Variants in CABIN1 observed in about 807,000 individuals in gnomAD.
CABIN1 encodes calcineurin binding protein 1, also known as calcineurin-binding protein cabin-1.
In CABIN1, 133 loss-of-function variants were observed where a neutral mutation model predicts 227.7. The ratio of observed to expected loss-of-function variants is 0.58; its 90% CI spans 0.51 to 0.67. The LOEUF is 0.67. Among genes scored for constraint, CABIN1 ranks in the 30% least tolerant of loss-of-function variants. The probability of loss-of-function intolerance (pLI) is 0.00; values close to 1 mark genes in which losing one functional copy is unlikely to be tolerated. For synonymous variants in CABIN1, 1,086 were observed against 1,155.1 expected (o/e 0.94, Z 1.21); for missense variants, 2,408 against 2,852.5 (o/e 0.84, Z 3.55).
intron 26 of CABIN1, among the ~76,000 whole-genome samples, chr22:24,108,676 C>T (rs1479328022): frequency 6.6e-6 from 1 of 152,218 alleles, no homozygotes; most frequent in Non-Finnish European, 1.5e-5. Flanking sequence ...AGGTCACTGT[C>T]CCCAAACCCT....
In CABIN1 at chr22:24,042,952, C is replaced by G. The variant is rs772530741; in HGVS notation, c.394C>G (p.His132Asp). 4 of 1,610,686 alleles carry G rather than the reference C, an allele frequency of 2.5e-6. No homozygotes were observed. In the South Asian group the frequency reaches 4.4e-5, roughly 18 times the overall value. ...TGTCAACCTCTGGTATAAGATTGGA[C>G]ATGTGGCCCTGAGGCTCATCCGGAT... is the stretch of plus-strand genomic sequence containing the variant. The part of the protein sequence containing the change: ...TDVNLWYKIG[H>D]VALRLIRIPL... Residue 132 changes from histidine to aspartate, a missense_variant, in exon 6 of 37, where the codon CAT becomes GAT. By Grantham distance (81) the His-to-Asp change is moderately conservative (BLOSUM62 -1). Coordinates refer to ENST00000263119, the MANE Select transcript of CABIN1 (RefSeq NM_012295.4).
At chr22:24,097,922 G>T in intron 25 of CABIN1, 92 bp from the exon 26 acceptor site, 1 of 1,527,722 alleles carries the variant, frequency 6.5e-7, no homozygotes, top group Non-Finnish European at 9.1e-7. Context: ...GGAGCAGTGG[G>T]CCCTGGGAAG....
intron 19 of CABIN1, among the ~76,000 whole-genome samples, chr22:24,081,206 G>A (rs908012532): frequency 6.6e-5 from 10 of 151,958 alleles, no homozygotes; most frequent in Non-Finnish European, 1.0e-4. Flanking sequence ...TGCAGACATC[G>A]TTCTTAACTC....
At chr22:24,061,888 C>G in intron 12 of CABIN1, 59 bp from the exon 13 acceptor site, 1 of 1,244,598 alleles carries the variant, frequency 8.0e-7, no homozygotes, top group East Asian at 2.3e-5. Context: ...CCCCCTACCC[C>G]CCACACTGTG....
At chr22:24,070,686 C>A (rs1278671796) in intron 16 of CABIN1, 114 bp from the exon 17 acceptor site, 2 of 1,506,340 alleles carry the variant, frequency 1.3e-6, no homozygotes, top group Middle Eastern at 1.7e-4. Flanking sequence ...GGGGCTCGTT[C>A]TTCCCTTTCT....
chr22:24,096,622 C>G (rs547881832), intron 25 of CABIN1, among the ~76,000 whole-genome samples: 2 of 152,298 alleles, frequency 1.3e-5, no homozygotes, highest in Admixed American at 1.3e-4. Context: ...TCTCCACAGC[C>G]CAGACTTCTT....
chr22:24,012,702 G>A (rs1367942268), intron 1 of CABIN1, among the ~76,000 whole-genome samples: 1 of 152,172 alleles, frequency 6.6e-6, no homozygotes, highest in Non-Finnish European at 1.5e-5. Flanking sequence ...AGGAAATGCA[G>A]CTGCTGGGCT....
At chr22:24,124,903 A>G (rs2043625717) in intron 28 of CABIN1, among the ~76,000 whole-genome samples, 1 of 152,176 alleles carries the variant, frequency 6.6e-6, no homozygotes, top group Non-Finnish European at 1.5e-5. Flanking sequence ...ATAATCTTGA[A>G]TGAAAACAAA....
chr22:24,022,329 A>T (rs1409246855), intron 1 of CABIN1, among the ~76,000 whole-genome samples: 1 of 152,060 alleles, frequency 6.6e-6, no homozygotes, highest in East Asian at 1.9e-4. Context: ...TAGTTTTGTC[A>T]TTTCAAGAAT....
intron 1 of CABIN1, among the ~76,000 whole-genome samples, chr22:24,014,966 T>G (rs1460040868): frequency 6.6e-6 from 1 of 152,158 alleles, no homozygotes; most frequent in African/African-American, 2.4e-5. Flanking sequence ...CTTTTTTCAC[T>G]TAATAGTATG....
In CABIN1 at chr22:24,084,425, T is replaced by G. The variant is rs968560446; in HGVS notation, c.2911-154T>G. On this transcript the variant is annotated intron_variant, in intron 20 of 36. Transcript: ENST00000263119. The stretch of plus-strand genomic sequence containing the variant: ...AGCTAATTTTTGTAGTGCAGATTTT[T>G]TTTTTTTAAGTATAATGGGGATTTG... 3.3e-5 allele frequency among the ~76,000 whole-genome samples: 5 copies of G among 152,114 alleles called. No individual in the cohort carries two copies. In the East Asian group the frequency reaches 9.6e-4, roughly 29 times the overall value.
intron 1 of CABIN1, among the ~76,000 whole-genome samples, chr22:24,029,799 T>C (rs544141754): frequency 2.4e-4 from 36 of 152,266 alleles, no homozygotes; most frequent in African/African-American, 7.5e-4. Context: ...TTTTAGGTTT[T>C]CCTTGATGAA....
chr22:24,051,805 A>G (rs1476601989), intron 8 of CABIN1, among the ~76,000 whole-genome samples: 2 of 152,084 alleles, frequency 1.3e-5, no homozygotes, highest in African/African-American at 4.8e-5. Flanking sequence ...TGTCATGATA[A>G]TGACAAAACA....
chr22:24,070,714 G>A, intron 16 of CABIN1, 86 bp from the exon 17 acceptor site: 1 of 1,596,062 alleles, frequency 6.3e-7, no homozygotes, highest in South Asian at 1.1e-5. Context: ...CCCCTCATCT[G>A]TTTTCCTTCA....
intron 7 of CABIN1, among the ~76,000 whole-genome samples, chr22:24,050,472 A>G (rs1462464941): frequency 1.3e-5 from 2 of 152,240 alleles, no homozygotes; most frequent in East Asian, 3.8e-4. Flanking sequence ...TGGCATGGGC[A>G]GTATAGGATA....
At chr22:24,076,305 T>G in intron 19 of CABIN1, 21 bp downstream of exon 19, 3 of 1,582,828 alleles carry the variant, frequency 1.9e-6, no homozygotes, top group Non-Finnish European at 2.6e-6. Context: ...CCCCTTGGGC[T>G]GCAGACTGCC....
chr22:24,040,056 T>TATGTGC (rs1344687362), intron 4 of CABIN1, among the ~76,000 whole-genome samples: 1 of 152,232 alleles, frequency 6.6e-6, no homozygotes, highest in Non-Finnish European at 1.5e-5. Context: ...CATCCACTGT[T>TATGTGC]ATGTGCATGT....
intron 28 of CABIN1, among the ~76,000 whole-genome samples, chr22:24,124,807 G>A (rs550640454): frequency 2.2e-4 from 33 of 152,158 alleles, no homozygotes; most frequent in Non-Finnish European, 4.6e-4. Context: ...TGCTCAGCTG[G>A]GAGCTGAGCC....
At chr22:24,035,972 C>G in intron 2 of CABIN1, 117 bp from the exon 3 acceptor site, 2 of 758,856 alleles carry the variant, frequency 2.6e-6, no homozygotes, top group Non-Finnish European at 4.7e-6. Context: ...AAGGTCATAG[C>G]TTTTCAAGGT....
Sources: gnomAD v4.1 joint callset for allele counts (sites outside exome capture counted in the v4.1 genomes callset) on GRCh38, gnomAD v4.1.1 for gene constraint, MANE v1.5 for transcripts, NCBI Gene and HGNC (gene_info 2026-07-23, HGNC 2026-07-21) for gene names.